Variants in MOV10L1 observed in about 807,000 individuals in gnomAD.
MOV10L1 encodes Mov10 like RNA helicase 1.
MOV10L1 carries 110 observed loss-of-function variants against 143.8 expected under a neutral mutation model. That is an observed-to-expected ratio of 0.76 (90% confidence interval 0.66 to 0.90). The LOEUF (loss-of-function observed/expected upper bound fraction) is 0.90, where lower values mean the gene tolerates loss of function less well. Among genes scored for constraint, MOV10L1 ranks in the 40% least tolerant of loss-of-function variants. The probability of loss-of-function intolerance (pLI) is 0.00; values close to 1 mark genes in which losing one functional copy is unlikely to be tolerated. For missense variants in MOV10L1, 1,406 were observed against 1,526.8 expected (o/e 0.92, Z 1.32); for synonymous variants, 593 against 581.1 (o/e 1.02, Z -0.29).
intron 3 of MOV10L1, among the ~76,000 whole-genome samples, chr22:50,104,859 A>G (rs2061829684): frequency 6.6e-6 from 1 of 150,498 alleles, no homozygotes; most frequent in Admixed American, 6.6e-5. Context: ...TGAATTTGAA[A>G]TTGAAATTGT....
rs766861699 is a variant in MOV10L1, at chr22:50,126,248, C to T, written c.1794C>T (p.Ile598=). 6 of 1,612,350 alleles carry T rather than the reference C, an allele frequency of 3.7e-6. No individual in the cohort carries two copies. Among genetic ancestry groups the T allele is most frequent in the Non-Finnish European group, 5.1e-6 (6 of 1,178,468 alleles). Residue 598 remains isoleucine, a synonymous_variant, in exon 12 of 27, where the codon ATC becomes ATT. Transcript: ENST00000262794. ...CTCAAGAGTACAATGGACATGCCAT[C>T]GAATACATCAGCTACGTGACTGAGG... ...LKTQEYNGHA[I]EYISYVTEIH...
chr22:50,125,372 A>G lies in MOV10L1; in HGVS notation c.1570-20A>G. The G allele has an allele frequency of 6.2e-7, 1 of 1,612,218 alleles. No homozygotes were observed. Among genetic ancestry groups the G allele is most frequent in the South Asian group, 1.1e-5 (1 of 90,830 alleles). On this transcript the variant is annotated intron_variant, in intron 10 of 26. Coordinates refer to ENST00000262794, the MANE Select transcript of MOV10L1 (RefSeq NM_018995.3). ...GCTGCTGAGCTGTTGCTGACTTTAT[A>G]ACATTTGGGTGTTTTCCAGCTTCTG... is the stretch of plus-strand genomic sequence containing the variant.
At chr22:50,106,366 G>A (rs1338379802) in intron 3 of MOV10L1, among the ~76,000 whole-genome samples, 1 of 110,472 alleles carries the variant, frequency 9.1e-6, no homozygotes, top group East Asian at 2.7e-4. Flanking sequence ...GGATCTTACT[G>A]TGTTGCCCAG....
At chr22:50,160,100 G>A (rs888646777) in intron 24 of MOV10L1, among the ~76,000 whole-genome samples, 7 of 152,100 alleles carry the variant, frequency 4.6e-5, no homozygotes, top group African/African-American at 1.2e-4. Flanking sequence ...GCAGGTACCC[G>A]CAGGAGAGCC....
At chr22:50,108,957 C>A in intron 5 of MOV10L1, 113 bp downstream of exon 5, 6 of 982,564 alleles carry the variant, frequency 6.1e-6, no homozygotes, top group South Asian at 1.6e-5. Flanking sequence ...CCAGCCTGAC[C>A]AACGTGGTGA....
intron 15 of MOV10L1, among the ~76,000 whole-genome samples, chr22:50,138,265 C>T (rs1352039916): frequency 6.6e-6 from 1 of 152,232 alleles, no homozygotes; most frequent in Non-Finnish European, 1.5e-5. Flanking sequence ...CAGGCATCCG[C>T]ATCCTGTAGA....
intron 6 of MOV10L1, among the ~76,000 whole-genome samples, 162 bp downstream of exon 6, chr22:50,113,950 G>A (rs1431178247): frequency 9.2e-6 from 1 of 108,966 alleles, no homozygotes; most frequent in Non-Finnish European, 1.7e-5. Flanking sequence ...ACAGCGTCTT[G>A]CTCCGTCGCC....
intron 3 of MOV10L1, among the ~76,000 whole-genome samples, chr22:50,104,415 G>A (rs1602145103): frequency 6.6e-6 from 1 of 152,170 alleles, no homozygotes; most frequent in Non-Finnish European, 1.5e-5. Context: ...GTTTGGGAGG[G>A]GCACTCCCTG....
chr22:50,137,005 G>A (rs545748782), intron 15 of MOV10L1, among the ~76,000 whole-genome samples: 1 of 152,294 alleles, frequency 6.6e-6, no homozygotes, highest in East Asian at 1.9e-4. Flanking sequence ...GACTGACAAA[G>A]TATGATAGCC....
rs1490963888 is a variant in MOV10L1 at position 50,152,996 on chromosome 22, T to C, written c.2893-49T>C. 3 of 1,462,904 alleles carry C rather than the reference T, an allele frequency of 2.1e-6. No individual in the cohort carries two copies. The highest frequency in any genetic ancestry group is 2.8e-6 in the Non-Finnish European group (3 of 1,078,368). 90.6% of individuals were successfully genotyped at this position (1,462,904 alleles called of 1,614,324 possible). A position where few individuals can be genotyped will look rare whatever the true frequency, so the allele number is the denominator to read the frequency against. On this transcript the variant is annotated intron_variant, in intron 21 of 26. Coordinates refer to ENST00000262794, the MANE Select transcript of MOV10L1 (RefSeq NM_018995.3). The surrounding 1 kb of genome is among the most constrained non-coding windows in gnomAD (Gnocchi z 4.4). ...GAGCCGCTTTTCGTTCGACAGAAAC[T>C]GTGCCGGGTACCACCTTCCCCTTGT...
chr22:50,133,921 G>A (rs1410360528), intron 13 of MOV10L1, 86 bp from the exon 14 acceptor site: 26 of 1,064,540 alleles, frequency 2.4e-5, no homozygotes, highest in Non-Finnish European at 3.4e-5. Flanking sequence ...CTTAAAGATT[G>A]TATCATAAAA....
intron 3 of MOV10L1, among the ~76,000 whole-genome samples, chr22:50,105,571 T>C (rs4838832): frequency 0.22 from 34,156 of 152,146 alleles, 4,197 homozygotes; most frequent in Admixed American, 0.35. Flanking sequence ...ATAACTACAA[T>C]TTGCAAAAGT....
chr22:50,143,261 G>A, intron 17 of MOV10L1, 40 bp downstream of exon 17: 1 of 1,594,366 alleles, frequency 6.3e-7, no homozygotes, highest in Non-Finnish European at 8.6e-7. Context: ...GCTCTGTGCT[G>A]CTGTTCATGT....
intron 3 of MOV10L1, among the ~76,000 whole-genome samples, chr22:50,106,699 C>CTTTT (rs71198216): frequency 2.5e-5 from 3 of 120,702 alleles, no homozygotes; most frequent in Non-Finnish European, 3.5e-5. Context: ...AGGACATGGT[C>CTTTT]TTTTTTTTTT....
intron 10 of MOV10L1, 28 bp downstream of exon 10, chr22:50,120,644 T>C: frequency 6.8e-7 from 1 of 1,465,160 alleles, no homozygotes; most frequent in Non-Finnish European, 9.5e-7. Context: ...GCCTGTGGGG[T>C]GTTGGCATCT....
chr22:50,130,307 A>G (rs1009780713), intron 13 of MOV10L1, among the ~76,000 whole-genome samples: 1 of 152,000 alleles, frequency 6.6e-6, no homozygotes, highest in Non-Finnish European at 1.5e-5. Context: ...TTATATATAT[A>G]TGTCTTTTTA....
At chr22:50,096,795 C>G (rs2062600745) in intron 2 of MOV10L1, among the ~76,000 whole-genome samples, 1 of 152,088 alleles carries the variant, frequency 6.6e-6, no homozygotes, top group Non-Finnish European at 1.5e-5. Context: ...GGAGAAATAT[C>G]TACTCAAATC....
At chr22:50,116,446 C>CAAA (rs559872532) in intron 8 of MOV10L1, among the ~76,000 whole-genome samples, 1 of 91,108 alleles carries the variant, frequency 1.1e-5, no homozygotes, top group South Asian at 3.3e-4. Flanking sequence ...GACTCCGTCT[C>CAAA]AAAAAAAAAA....
intron 26 of MOV10L1, 77 bp from the exon 27 acceptor site, chr22:50,161,291 C>T (rs1054239532): frequency 4.3e-5 from 54 of 1,262,250 alleles, no homozygotes; most frequent in Middle Eastern, 3.8e-4. Flanking sequence ...GTAAAACCCA[C>T]ATTGGGAAAA....
Sources: gnomAD v4.1 joint callset for allele counts (sites outside exome capture counted in the v4.1 genomes callset) on GRCh38, gnomAD v4.1.1 for gene constraint, Gnocchi (gnomAD v3.1) non-coding constraint, MANE v1.5 for transcripts, NCBI Gene and HGNC (gene_info 2026-07-23, HGNC 2026-07-21) for gene names.